NLRC3: variants seen among roughly 807,000 people sequenced by gnomAD.
NLRC3 encodes NLR family CARD domain containing 3, also known as NLR family CARD domain-containing protein 3.
NLRC3 carries 87 observed loss-of-function variants against 91.6 expected under a neutral mutation model. The observed-to-expected ratio is 0.95, with a 90% CI of 0.80 to 1.14. The LOEUF (loss-of-function observed/expected upper bound fraction) is 1.14, where lower values mean the gene tolerates loss of function less well. Ranked by LOEUF, NLRC3 falls within the 50% of genes most tolerant of loss-of-function variation. The pLI is 0.00. For missense variants in NLRC3, 1,577 were observed against 1,418.6 expected, an observed-to-expected ratio of 1.11 and a Z score of -1.79; for synonymous variants, 694 against 625.3, an observed-to-expected ratio of 1.11 and a Z score of -1.64.
At chr16:3,570,480 A>G (rs940959654) in intron 1 of NLRC3, among the ~76,000 whole-genome samples, 1 of 152,172 alleles carries the variant, frequency 6.6e-6, no homozygotes, top group African/African-American at 2.4e-5. Context: ...GATAATGGCA[A>G]TGGAAAGGAA....
At chr16:3,560,530 A>C (rs2151097355) in intron 6 of NLRC3, among the ~76,000 whole-genome samples, 1 of 151,988 alleles carries the variant, frequency 6.6e-6, no homozygotes, top group East Asian at 1.9e-4. Flanking sequence ...ATTCAACCAC[A>C]AACCCCGAGT....
intron 15 of NLRC3, among the ~76,000 whole-genome samples, chr16:3,547,662 A>C (rs896407252): frequency 6.6e-6 from 1 of 151,804 alleles, no homozygotes; most frequent in Non-Finnish European, 1.5e-5. Flanking sequence ...GTATGTATAT[A>C]TATGTGTGTA....
In NLRC3 at chr16:3,543,482, G is replaced by A. The variant is rs1341314418; in HGVS notation, c.2882C>T (p.Ser961Leu). The A allele has an allele frequency of 6.2e-7, 1 of 1,613,024 alleles. No individual in the cohort carries two copies. The highest frequency in any genetic ancestry group is 8.5e-7 in the Non-Finnish European group (1 of 1,179,598). The change falls in exon 17 of 20, where the codon TCA becomes TTA. Residue 961 changes from serine to leucine, a missense_variant. Transcript: ENST00000359128. The stretch of plus-strand genomic sequence containing the variant: ...GGCTTCCCCTAGCACCTGGGCGCCT[G>A]AAGCACCAATTGAGGCCACCTGGAG... Reference protein sequence around the residue: ...LYLQVASIGASGAQVLGEALA... With the variant: ...LYLQVASIGALGAQVLGEALA...
At chr16:3,572,223 A>G (rs968287589) in intron 1 of NLRC3, among the ~76,000 whole-genome samples, 2 of 152,076 alleles carry the variant, frequency 1.3e-5, no homozygotes, top group Non-Finnish European at 2.9e-5. Flanking sequence ...AAAAGAATAA[A>G]CTATCATTTT....
intron 13 of NLRC3, 88 bp from the exon 14 acceptor site, chr16:3,548,841 C>G (rs2038839246): frequency 1.1e-6 from 1 of 892,684 alleles, no homozygotes; most frequent in African/African-American, 1.7e-5. Context: ...GGGCTTGATA[C>G]CAGATCACCC....
intron 15 of NLRC3, among the ~76,000 whole-genome samples, chr16:3,547,753 G>C (rs1272721721): frequency 6.6e-6 from 1 of 152,038 alleles, no homozygotes; most frequent in African/African-American, 2.4e-5. Context: ...ACTGCAACCT[G>C]TGCCTCCTGA....
intron 15 of NLRC3, among the ~76,000 whole-genome samples, chr16:3,547,515 A>G (rs1200123065): frequency 6.6e-6 from 1 of 152,110 alleles, no homozygotes; most frequent in Non-Finnish European, 1.5e-5. Context: ...TGAATTGTAT[A>G]CTAAGTGGGT....
In NLRC3 at chr16:3,563,834, A is replaced by G; in HGVS notation, c.1103T>C (p.Phe368Ser). ...RTLCELYSWY[F>S]RMALSGEGQE... ...CCCCTCCCCGCTGAGGGCCATCCTA[A>G]AGTACCATGAGTAGAGCTCGCACAG... Residue 368 changes from phenylalanine (F) to serine (S), a missense_variant, in exon 5 of 20, where the codon TTT (phenylalanine) becomes TCT (serine). Transcript: ENST00000359128. 1.2e-6 allele frequency: 2 copies of G among 1,608,612 alleles called. No homozygotes were observed. The highest frequency in any genetic ancestry group is 1.7e-6 in the Non-Finnish European group (2 of 1,177,214).
At chr16:3,576,407 G>A (rs1209629280) in intron 1 of NLRC3, among the ~76,000 whole-genome samples, 1 of 152,178 alleles carries the variant, frequency 6.6e-6, no homozygotes, top group Non-Finnish European at 1.5e-5. Context: ...CCCCTCCTGT[G>A]CTGTCACCTC....
chr16:3,544,914 G>T, intron 15 of NLRC3: 1 of 152,578 alleles, frequency 6.6e-6, no homozygotes, highest in South Asian at 2.1e-4. Context: ...GGCTGGTCCT[G>T]AACTCCTGGG....
intron 16 of NLRC3, chr16:3,543,951 T>G (rs1437029507): frequency 2.1e-5 from 8 of 372,940 alleles, no homozygotes; most frequent in Non-Finnish European, 4.0e-5. Flanking sequence ...GTCAGGAGTT[T>G]GAGACCAGCC....
At chr16:3,554,144 A>G in intron 9 of NLRC3, 98 bp downstream of exon 9, 3 of 919,956 alleles carry the variant, frequency 3.3e-6, no homozygotes, top group Non-Finnish European at 5.3e-6. Flanking sequence ...CTCAGGTCCT[A>G]GCCCCATCCA....
intron 9 of NLRC3, 71 bp from the exon 10 acceptor site, chr16:3,552,350 G>T (rs1022193565): frequency 5.3e-6 from 6 of 1,126,420 alleles, no homozygotes; most frequent in Admixed American, 1.7e-5. Flanking sequence ...GACGGTTCAG[G>T]TTCAAGGTCA....
intron 5 of NLRC3, 35 bp from the exon 6 acceptor site, chr16:3,561,823 C>A: frequency 6.5e-7 from 1 of 1,536,880 alleles, no homozygotes; most frequent in Non-Finnish European, 9.0e-7. Flanking sequence ...GAGTGTCCCA[C>A]CCGCCCACGG....
At chr16:3,569,084 T>C (rs143701286) in intron 1 of NLRC3, among the ~76,000 whole-genome samples, 12,788 of 151,964 alleles carry the variant, frequency 0.084, 622 homozygotes, top group African/African-American at 0.13. Flanking sequence ...GAGGCCAAGG[T>C]GGGCAGATCA....
chr16:3,576,658 T>TTTTG (rs2040308611), intron 1 of NLRC3, among the ~76,000 whole-genome samples: 1 of 151,956 alleles, frequency 6.6e-6, no homozygotes, highest in South Asian at 2.1e-4. Flanking sequence ...TTCTTTTCTT[T>TTTTG]TTTGTTTTGT....
At chr16:3,543,362 A>G (rs571641228) in intron 17 of NLRC3, 63 bp downstream of exon 17, 3 of 1,128,886 alleles carry the variant, frequency 2.7e-6, no homozygotes, top group East Asian at 5.0e-5. Context: ...CCCCATATCT[A>G]TTCATTGAGA....
At position 3,563,955 on chromosome 16, in the gene NLRC3, C is replaced by A. The variant is rs373454671; in HGVS notation, c.982G>T (p.Val328Phe). The A allele has an allele frequency of 6.3e-7, 1 of 1,598,792 alleles. No individual in the cohort carries two copies. Among genetic ancestry groups the A allele is most frequent in the Non-Finnish European group, 8.5e-7 (1 of 1,175,152 alleles). ...ADRALYLMCT[V>F]PAFCRLTGMA... ...CCCGTGAGCCTGCAGAAGGCTGGGACGGTGCACATCAGGTACAGGGCCCTG... is the reference window on the plus strand; with the variant it reads ...CCCGTGAGCCTGCAGAAGGCTGGGAAGGTGCACATCAGGTACAGGGCCCTG... The change falls in exon 5 of 20, where the codon GTC becomes TTC. Residue 328 changes from valine (V) to phenylalanine (F), a missense_variant. By Grantham distance (50) the Val-to-Phe change is conservative. Coordinates refer to ENST00000359128, the MANE Select transcript of NLRC3 (RefSeq NM_178844.4).
Position 3,543,503 on chromosome 16 carries a change from T to G in NLRC3, c.2861A>C (p.Gln954Pro), listed in dbSNP as rs2038517573. ...VNTALTALYLQVASIGASGAQ... is the reference protein window; with the variant it reads ...VNTALTALYLPVASIGASGAQ... ...GCCTGAAGCACCAATTGAGGCCACC[T>G]GGAGACTGGGGCGGAGAGGGTGCCG... The change falls in exon 17 of 20, where the codon CAG becomes CCG. Residue 954 changes from glutamine to proline, a missense_variant. Gln to Pro is a moderately conservative substitution (Grantham distance 76). Coordinates refer to ENST00000359128, the MANE Select transcript of NLRC3 (RefSeq NM_178844.4). 1.2e-6 allele frequency: 2 copies of G among 1,612,048 alleles called. No individual in the cohort carries two copies. Among genetic ancestry groups the G allele is most frequent in the Admixed American group, 1.7e-5 (1 of 59,886 alleles).
Sources: gnomAD v4.1 joint callset for allele counts (sites outside exome capture counted in the v4.1 genomes callset) on GRCh38, gnomAD v4.1.1 for gene constraint, MANE v1.5 for transcripts, NCBI Gene and HGNC (gene_info 2026-07-23, HGNC 2026-07-21) for gene names.